PPP3CA: variants seen among roughly 807,000 people sequenced by gnomAD.
The protein encoded by PPP3CA is CAM-PRP catalytic subunit.
Under a neutral mutation model 66.5 loss-of-function variants are expected in PPP3CA, and 14 were observed. The observed-to-expected ratio is 0.21, with a 90% CI of 0.14 to 0.33. The LOEUF (loss-of-function observed/expected upper bound fraction) is 0.33, where lower values mean the gene tolerates loss of function less well. PPP3CA is among the 10% of genes least tolerant of loss of function. The probability of loss-of-function intolerance (pLI) is 1.00; values close to 1 mark genes in which losing one functional copy is unlikely to be tolerated. For missense variants in PPP3CA, 317 were observed against 639.5 expected, an observed-to-expected ratio of 0.50 and a Z score of 5.44; for synonymous variants, 232 against 226.2, an observed-to-expected ratio of 1.03 and a Z score of -0.23.
At chr4:101,210,999 T>C (rs1364807642) in intron 1 of PPP3CA, among the ~76,000 whole-genome samples, 2 of 152,212 alleles carry the variant, frequency 1.3e-5, no homozygotes, top group Non-Finnish European at 2.9e-5. Flanking sequence ...ATATAAATTG[T>C]TTAGAACAGT....
At chr4:101,170,764 T>G (rs1200313489) in intron 2 of PPP3CA, among the ~76,000 whole-genome samples, 1 of 152,178 alleles carries the variant, frequency 6.6e-6, no homozygotes, top group Non-Finnish European at 1.5e-5. Context: ...GCCCAGCCTA[T>G]AATTAATCAT....
chr4:101,042,173 CT>C (rs558866853), intron 10 of PPP3CA, among the ~76,000 whole-genome samples: 407 of 91,152 alleles, frequency 4.5e-3, no homozygotes, highest in Middle Eastern at 7.1e-3. Flanking sequence ...AAGGTCTTTG[CT>C]TTTTTTTTTT....
intron 1 of PPP3CA, among the ~76,000 whole-genome samples, chr4:101,207,271 A>G (rs1725159440): frequency 6.6e-6 from 1 of 152,198 alleles, no homozygotes; most frequent in African/African-American, 2.4e-5. Flanking sequence ...ACATTTTCCT[A>G]GTTTATAAGA....
At chr4:101,145,675 A>G (rs1027070974) in intron 2 of PPP3CA, among the ~76,000 whole-genome samples, 2 of 152,202 alleles carry the variant, frequency 1.3e-5, no homozygotes, top group Non-Finnish European at 2.9e-5. Flanking sequence ...GCTAATGGTT[A>G]CAAAAAATAA....
At chr4:101,102,930 TCTGA>T (rs1730513191) in intron 3 of PPP3CA, among the ~76,000 whole-genome samples, 1 of 152,214 alleles carries the variant, frequency 6.6e-6, no homozygotes. Flanking sequence ...GTCTTTCTAT[TCTGA>T]CTCTTAATTA....
intron 1 of PPP3CA, among the ~76,000 whole-genome samples, chr4:101,232,270 G>A (rs1001813362): frequency 3.3e-5 from 5 of 151,562 alleles, no homozygotes; most frequent in African/African-American, 1.2e-4. Context: ...AAGCAGCGCA[G>A]GCATGCTGAG....
At chr4:101,206,055 G>A (rs1725120727) in intron 1 of PPP3CA, among the ~76,000 whole-genome samples, 1 of 152,158 alleles carries the variant, frequency 6.6e-6, no homozygotes, top group Non-Finnish European at 1.5e-5. Context: ...CAAAACATCA[G>A]GCCCTCTGGG....
chr4:101,192,122 T>C (rs1458896270), intron 2 of PPP3CA, among the ~76,000 whole-genome samples: 2 of 152,172 alleles, frequency 1.3e-5, no homozygotes, highest in East Asian at 1.9e-4. Flanking sequence ...GAAATGTAAA[T>C]TGGATCCCTG....
At chr4:101,251,432 G>T (rs1726674485) in intron 1 of PPP3CA, among the ~76,000 whole-genome samples, 2 of 151,988 alleles carry the variant, frequency 1.3e-5, no homozygotes, top group African/African-American at 2.4e-5. Flanking sequence ...AGTATTCTTA[G>T]TTGCTAACAA....
At chr4:101,298,903 C>T in intron 1 of PPP3CA, among the ~76,000 whole-genome samples, 1 of 148,158 alleles carries the variant, frequency 6.7e-6, no homozygotes. Context: ...TCATGCATTG[C>T]TTTATGATGG....
At chr4:101,194,050 A>C (rs1056016777) in intron 2 of PPP3CA, among the ~76,000 whole-genome samples, 2 of 152,192 alleles carry the variant, frequency 1.3e-5, no homozygotes, top group African/African-American at 4.8e-5. Flanking sequence ...GAATTCCACA[A>C]AAGAAGTTAT....
At chr4:101,077,084 C>G (rs1729228433) in intron 8 of PPP3CA, among the ~76,000 whole-genome samples, 1 of 152,114 alleles carries the variant, frequency 6.6e-6, no homozygotes, top group South Asian at 2.1e-4. Context: ...AAGGATGAGA[C>G]TGAATGAATT....
intron 1 of PPP3CA, among the ~76,000 whole-genome samples, chr4:101,237,712 A>G (rs912644767): frequency 2.0e-5 from 3 of 152,054 alleles, no homozygotes; most frequent in African/African-American, 7.2e-5. Flanking sequence ...TTTGTTTAGC[A>G]TGGTGTCCCC....
chr4:101,259,714 C>G (rs1306124013), intron 1 of PPP3CA, among the ~76,000 whole-genome samples: 1 of 152,072 alleles, frequency 6.6e-6, no homozygotes, highest in Non-Finnish European at 1.5e-5. Context: ...ATTCCTTGGA[C>G]TAAAATACAC....
intron 1 of PPP3CA, among the ~76,000 whole-genome samples, chr4:101,275,469 G>A (rs1727461005): frequency 6.6e-6 from 1 of 152,072 alleles, no homozygotes; most frequent in Non-Finnish European, 1.5e-5. Flanking sequence ...CATATTCCTT[G>A]AGAGCACTGC....
intron 2 of PPP3CA, among the ~76,000 whole-genome samples, chr4:101,129,436 C>T (rs755335487): frequency 4.6e-5 from 7 of 152,296 alleles, no homozygotes; most frequent in South Asian, 2.1e-4. Flanking sequence ...CCCTGATCCC[C>T]GTGCCTCATC....
At chr4:101,138,601 T>G (rs982269541) in intron 2 of PPP3CA, among the ~76,000 whole-genome samples, 1 of 152,202 alleles carries the variant, frequency 6.6e-6, no homozygotes, top group African/African-American at 2.4e-5. Flanking sequence ...AATGAGCATT[T>G]CCTTGGAGTG....
At chr4:101,036,458 C>T (rs1337613128) in intron 11 of PPP3CA, among the ~76,000 whole-genome samples, 1 of 151,282 alleles carries the variant, frequency 6.6e-6, no homozygotes. Flanking sequence ...GCTGCCCAGG[C>T]TGGAGTGCAG....
chr4:101,137,838 A>G (rs1445219814), intron 2 of PPP3CA, among the ~76,000 whole-genome samples: 1 of 151,204 alleles, frequency 6.6e-6, no homozygotes, highest in Non-Finnish European at 1.5e-5. Context: ...GAGAGTAGGT[A>G]CACATAAATT....
Sources: allele counts gnomAD v4.1 joint callset (sites outside exome capture counted in the v4.1 genomes callset), GRCh38; gene constraint gnomAD v4.1.1; transcripts MANE v1.5; gene names NCBI Gene and HGNC (gene_info 2026-07-23, HGNC 2026-07-21).